The following CUX1 variants were observed in gnomAD, a reference collection of about 807,000 sequenced individuals.
The protein encoded by CUX1 is protein CASP.
CUX1 carries 31 observed loss-of-function variants against 158.8 expected under a neutral mutation model. The ratio of observed to expected loss-of-function variants is 0.20; its 90% confidence interval spans 0.15 to 0.26. The LOEUF (loss-of-function observed/expected upper bound fraction) is 0.26, where lower values mean the gene tolerates loss of function less well. Among genes scored for constraint, CUX1 ranks in the 10% least tolerant of loss-of-function variants. CUX1 has a pLI of 1.00. For missense variants in CUX1, 1,589 were observed against 2,014.6 expected, an observed-to-expected ratio of 0.79 and a Z score of 4.04; for synonymous variants, 879 against 862.1, an observed-to-expected ratio of 1.02 and a Z score of -0.34.
At chr7:102,282,509 A>G (rs1279366299) in intron 21 of CUX1, among the ~76,000 whole-genome samples, 5 of 152,132 alleles carry the variant, frequency 3.3e-5, no homozygotes, top group Admixed American at 2.6e-4. Context: ...GTTGGCCCAC[A>G]GTATTAGAGG....
chr7:101,856,312 C>T (rs1288525285), intron 1 of CUX1, among the ~76,000 whole-genome samples: 1 of 151,856 alleles, frequency 6.6e-6, no homozygotes, highest in East Asian at 1.9e-4. Flanking sequence ...CCATAATAAC[C>T]AGAATGTTAT....
chr7:102,256,937 C>G lies in CUX1; in HGVS notation c.*7895C>G. 1.0e-6 allele frequency: 1 copy of G among 985,438 alleles called. No individual in the cohort carries two copies. The allele number at this position is 985,438 out of a possible 1,614,324, so 61.0% of individuals were successfully genotyped here. A position where few individuals can be genotyped will look rare whatever the true frequency, so the allele number is the denominator to read the frequency against. ...TCAAAGCAACAGTGTTTTGTAGTACCAGGCTGTGGCTTGAGGGCTCACCTA... is the reference window on the plus strand; with the variant it reads ...TCAAAGCAACAGTGTTTTGTAGTACGAGGCTGTGGCTTGAGGGCTCACCTA... On this transcript the variant is annotated 3_prime_UTR_variant, in exon 24 of 24. Coordinates refer to ENST00000292535, the MANE Select transcript of CUX1 (RefSeq NM_181552.4).
chr7:102,103,203 A>AG (rs1829968407), intron 5 of CUX1, among the ~76,000 whole-genome samples: 1 of 152,006 alleles, frequency 6.6e-6, no homozygotes, highest in Admixed American at 6.6e-5. Context: ...ATCTTCCCCC[A>AG]GGCTACGGCA....
At chr7:101,920,185 G>A (rs933783621) in intron 2 of CUX1, among the ~76,000 whole-genome samples, 1 of 150,478 alleles carries the variant, frequency 6.6e-6, no homozygotes, top group East Asian at 2.0e-4. Flanking sequence ...GCAGTAGCAC[G>A]ATCTTGGCTC....
intron 2 of CUX1, among the ~76,000 whole-genome samples, chr7:101,943,404 G>T (rs987028618): frequency 6.6e-6 from 1 of 152,044 alleles, no homozygotes; most frequent in Non-Finnish European, 1.5e-5. Context: ...ACTGCACCCG[G>T]CCTCTGGTCA....
intron 3 of CUX1, among the ~76,000 whole-genome samples, chr7:102,054,005 G>A (rs763540510): frequency 5.9e-5 from 9 of 151,600 alleles, no homozygotes; most frequent in Non-Finnish European, 1.0e-4. Flanking sequence ...ACAGAGTTTC[G>A]CCATGTTGGC....
intron 1 of CUX1, among the ~76,000 whole-genome samples, chr7:101,886,920 A>G (rs967484347): frequency 6.6e-6 from 1 of 152,204 alleles, no homozygotes; most frequent in Admixed American, 6.5e-5. Context: ...CTTCACCAGC[A>G]ACAAGAGGAG....
intron 3 of CUX1, among the ~76,000 whole-genome samples, chr7:102,039,963 C>G (rs1821882948): frequency 6.6e-6 from 1 of 152,050 alleles, no homozygotes; most frequent in Non-Finnish European, 1.5e-5. Flanking sequence ...CCCTTACATG[C>G]AGCGCGCTGG....
intron 14 of CUX1, among the ~76,000 whole-genome samples, chr7:102,196,401 G>A (rs907712268): frequency 3.9e-5 from 6 of 152,194 alleles, no homozygotes; most frequent in Non-Finnish European, 8.8e-5. Flanking sequence ...AGGCTGCAAC[G>A]TACAAGAAAG....
chr7:102,141,369 A>C (rs1400831522), intron 8 of CUX1, among the ~76,000 whole-genome samples: 4 of 152,094 alleles, frequency 2.6e-5, no homozygotes, highest in African/African-American at 9.7e-5. Context: ...GGAATTGTGG[A>C]CAAATCTATA....
intron 11 of CUX1, 77 bp from the exon 12 acceptor site, chr7:102,189,736 C>A (rs1008561078): frequency 6.7e-7 from 1 of 1,492,664 alleles, no homozygotes; most frequent in Non-Finnish European, 9.3e-7. Context: ...CTGGCTGTTC[C>A]GCAGTGAATG....
chr7:101,916,336 A>C lies in CUX1; in HGVS notation c.141+111A>C. The C allele has an allele frequency of 2.9e-6, 2 of 700,358 alleles. No homozygotes were observed. The highest frequency in any genetic ancestry group is 3.0e-5 in the South Asian group (2 of 65,668). 43.4% of individuals were successfully genotyped at this position (700,358 alleles called of 1,614,324 possible). ...TTCATCAGATGAACGCACGGCCGGC[A>C]AACAACCCGTTTCTTTCCCCAGATG... On this transcript the variant is annotated intron_variant, in intron 2 of 23. Transcript: ENST00000292535. The surrounding 1 kb of genome is among the most constrained non-coding windows in gnomAD (Gnocchi z 4.4).
chr7:102,178,889 G>C (rs1332548865), intron 11 of CUX1, among the ~76,000 whole-genome samples: 2 of 152,122 alleles, frequency 1.3e-5, no homozygotes, highest in African/African-American at 2.4e-5. Context: ...TTTGGAGTCG[G>C]AGTCTCGCTC....
intron 2 of CUX1, among the ~76,000 whole-genome samples, chr7:102,006,782 G>T (rs1234096528): frequency 6.6e-6 from 1 of 152,220 alleles, no homozygotes; most frequent in Admixed American, 6.5e-5. Context: ...TTTGTGACGG[G>T]CAGATGTGGA....
intron 1 of CUX1, among the ~76,000 whole-genome samples, chr7:101,888,517 C>T (rs74932261): frequency 0.024 from 3,596 of 152,226 alleles, 141 homozygotes; most frequent in African/African-American, 0.081. Context: ...CCTGATGCCT[C>T]ATTTGCACAA....
intron 2 of CUX1, among the ~76,000 whole-genome samples, chr7:102,005,635 CTCTT>C (rs1266237264): frequency 7.2e-5 from 11 of 152,200 alleles, no homozygotes; most frequent in Admixed American, 6.6e-5. Flanking sequence ...TGCACCTGGC[CTCTT>C]TCTTCTTGAG....
chr7:101,932,552 G>A (rs1325067908), intron 2 of CUX1: 5 of 454,430 alleles, frequency 1.1e-5, no homozygotes, highest in African/African-American at 2.0e-5. Context: ...GACCATTTGT[G>A]AAACCATCAG....
chr7:102,249,262 C>G lies in CUX1; in HGVS notation c.*220C>G. The G allele has an allele frequency of 9.4e-7, 1 of 1,064,768 alleles. No individual in the cohort carries two copies. The highest frequency in any genetic ancestry group is 1.1e-6 in the Non-Finnish European group (1 of 880,182). The allele number at this position is 1,064,768 out of a possible 1,614,324, so 66.0% of individuals were successfully genotyped here. On this transcript the variant is annotated 3_prime_UTR_variant, in exon 24 of 24. Transcript: ENST00000292535. ...CCGCGGCCCAGACCCACTCTGCGGC[C>G]CGGGCCGACCCTGCGGCCTCCACCA...
chr7:102,181,731 G>T (rs1793107944), intron 11 of CUX1, among the ~76,000 whole-genome samples: 1 of 152,134 alleles, frequency 6.6e-6, no homozygotes. Flanking sequence ...TTGCCAGATT[G>T]TCCTGATACG....
Sources: gnomAD v4.1 joint callset for allele counts (sites outside exome capture counted in the v4.1 genomes callset) on GRCh38, gnomAD v4.1.1 for gene constraint, Gnocchi (gnomAD v3.1) non-coding constraint, MANE v1.5 for transcripts, NCBI Gene and HGNC (gene_info 2026-07-23, HGNC 2026-07-21) for gene names.